GSDME: variants seen among roughly 807,000 people sequenced by gnomAD.
GSDME encodes the protein gasdermin-E.
Under a neutral mutation model 47.5 loss-of-function variants are expected in GSDME, and 44 were observed. The ratio of observed to expected loss-of-function variants is 0.93; its 90% CI spans 0.73 to 1.19. The LOEUF is 1.19. Ranked by LOEUF, GSDME falls within the 50% of genes most tolerant of loss-of-function variation. The pLI, the probability that GSDME is intolerant of heterozygous loss-of-function variation, is 0.00. For synonymous variants in GSDME, 258 were observed against 252.8 expected, an observed-to-expected ratio of 1.02 and a Z score of -0.20; for missense variants, 663 against 604.2, an observed-to-expected ratio of 1.10 and a Z score of -1.02.
In GSDME at chr7:24,733,811, C is replaced by T. The variant is rs1329856191; in HGVS notation, c.404+10751G>A. Among the ~76,000 whole-genome samples the T allele has an allele frequency of 4.6e-5, 7 of 152,204 alleles. No individual in the cohort carries two copies. The highest frequency in any genetic ancestry group is 4.6e-4 in the Admixed American group (7 of 15,282). ...AGGTTTCCAACTCGAGGCCCTGACT[C>T]CTGGACAGCATCTCTGGACCCACCT... On this transcript the variant is annotated intron_variant, in intron 3 of 9. Transcript: ENST00000645220. This position sits in a 1 kb window ranked among gnomAD's most constrained non-coding sequence, Gnocchi z 4.3.
At chr7:24,708,503 T>C (rs961222034) in intron 6 of GSDME, among the ~76,000 whole-genome samples, 1 of 152,216 alleles carries the variant, frequency 6.6e-6, no homozygotes, top group African/African-American at 2.4e-5. Flanking sequence ...AGCTTCACTC[T>C]TCTCTGATGA....
Position 24,733,503 on chromosome 7 carries a change from C to T in GSDME, c.404+11059G>A, listed in dbSNP as rs765182449. 1.3e-5 allele frequency among the ~76,000 whole-genome samples: 2 copies of T among 152,138 alleles called. No individual in the cohort carries two copies. The highest frequency in any genetic ancestry group is 2.9e-5 in the Non-Finnish European group (2 of 68,028). ...AAGTCTCTGATTCCAGGTTGTGGCT[C>T]TTGGATGGCATTTCTGGACCTACCC... On this transcript the variant is annotated intron_variant, in intron 3 of 9. Transcript: ENST00000645220. This position sits in a 1 kb window ranked among gnomAD's most constrained non-coding sequence, Gnocchi z 4.3.
intron 7 of GSDME, among the ~76,000 whole-genome samples, chr7:24,706,632 G>C (rs544336255): frequency 6.6e-6 from 1 of 152,276 alleles, no homozygotes; most frequent in African/African-American, 2.4e-5. Flanking sequence ...TTCCAGGGCA[G>C]GGTCTGTTGG....
At chr7:24,723,285 C>T (rs192129191) in intron 3 of GSDME, among the ~76,000 whole-genome samples, 6 of 152,246 alleles carry the variant, frequency 3.9e-5, no homozygotes, top group Admixed American at 3.9e-4. Flanking sequence ...CCCATCTCCT[C>T]CCTCAGTCAA....
chr7:24,738,273 A>G (rs1406017471), intron 3 of GSDME, among the ~76,000 whole-genome samples: 1 of 152,220 alleles, frequency 6.6e-6, no homozygotes, highest in Non-Finnish European at 1.5e-5. Flanking sequence ...CAAATTCACT[A>G]AAGTTGTAGG....
At chr7:24,727,969 C>T (rs1253775078) in intron 3 of GSDME, among the ~76,000 whole-genome samples, 3 of 152,176 alleles carry the variant, frequency 2.0e-5, no homozygotes, top group Non-Finnish European at 2.9e-5. Flanking sequence ...CACTACGAGT[C>T]GGGGGTGCCA....
chr7:24,704,058 G>A (rs1194919580), intron 8 of GSDME: 1 of 152,146 alleles, frequency 6.6e-6, no homozygotes. Context: ...TGGTACACTA[G>A]GTGCTAGGGG....
At chr7:24,737,838 AAATC>A (rs1368195546) in intron 3 of GSDME, among the ~76,000 whole-genome samples, 1 of 152,222 alleles carries the variant, frequency 6.6e-6, no homozygotes, top group African/African-American at 2.4e-5. Flanking sequence ...CAACATATGC[AAATC>A]AATCAGTGTG....
At chr7:24,713,933 G>T (rs1789449897) in intron 5 of GSDME, among the ~76,000 whole-genome samples, 1 of 152,146 alleles carries the variant, frequency 6.6e-6, no homozygotes, top group African/African-American at 2.4e-5. Context: ...TCCAGCCTAG[G>T]TCACAGAGCA....
At position 24,750,055 on chromosome 7, in the gene GSDME, T is replaced by C. The variant is rs193049959; in HGVS notation, c.-19-262A>G. ...TCTTAGTGGTTTATTACAATAAGGGTTTATTTGTTGCTCATACTACATGCA... is the reference window on the plus strand; with the variant it reads ...TCTTAGTGGTTTATTACAATAAGGGCTTATTTGTTGCTCATACTACATGCA... On this transcript the variant is annotated intron_variant, in intron 1 of 9. Transcript: ENST00000645220. Among the ~76,000 whole-genome samples the C allele has an allele frequency of 3.9e-4, 60 of 152,248 alleles. 1 individual carries two copies. The highest frequency in any genetic ancestry group is 3.2e-3 in the Admixed American group (49 of 15,290).
chr7:24,717,167 G>T, intron 5 of GSDME, 87 bp downstream of exon 5: 1 of 1,155,930 alleles, frequency 8.7e-7, no homozygotes. Flanking sequence ...CTCCAAAGCA[G>T]TCGAGTCCTC....
rs150598245 is a variant in GSDME at position 24,744,923 on chromosome 7, C to CAT, written c.212-170_212-169insAT. The stretch of plus-strand genomic sequence containing the variant: ...GTGTGGGCAAGAAAACAGGGCAGCA[C>CAT]GTGTGTGTGTGTGTGTGTGTGTGTG... On this transcript the variant is annotated intron_variant, in intron 2 of 9. Transcript: ENST00000645220. This position sits in a 1 kb window ranked among gnomAD's most constrained non-coding sequence, Gnocchi z 4.5. Among the ~76,000 whole-genome samples, 1 of 140,110 alleles carries CAT rather than the reference C, an allele frequency of 7.1e-6. No individual in the cohort carries two copies. The highest frequency in any genetic ancestry group is 2.1e-4 in the East Asian group (1 of 4,750). 91.9% of individuals were successfully genotyped at this position (140,110 alleles called of 152,430 possible).
At position 24,744,984 on chromosome 7, in the gene GSDME, C is replaced by CGTGTGTGTGTGTGTGT. The variant is rs3038357; in HGVS notation, c.212-246_212-231dup. Among the ~76,000 whole-genome samples, 5 of 118,998 alleles carry CGTGTGTGTGTGTGTGT rather than the reference C, an allele frequency of 4.2e-5. No individual in the cohort carries two copies. Among genetic ancestry groups the CGTGTGTGTGTGTGTGT allele is most frequent in the East Asian group, 2.5e-4 (1 of 4,054 alleles). 78.1% of individuals were successfully genotyped at this position (118,998 alleles called of 152,430 possible). ...GGGCACACAGTGGACCAGTGCAGCA[C>CGTGTGTGTGTGTGTGT]GTGTGTGTGTGTGTGTGTGTGTGTG... On this transcript the variant is annotated intron_variant, in intron 2 of 9. Transcript: ENST00000645220. The surrounding 1 kb of genome is among the most constrained non-coding windows in gnomAD (Gnocchi z 4.5).
At position 24,721,574 on chromosome 7, in the gene GSDME, T is replaced by C. The variant is rs1167691032; in HGVS notation, c.405-2356A>G. 1.3e-5 allele frequency among the ~76,000 whole-genome samples: 2 copies of C among 152,202 alleles called. No individual in the cohort carries two copies. The highest frequency in any genetic ancestry group is 2.4e-5 in the African/African-American group (1 of 41,444). ...GGGTTCCGTCAGGGTTTAGATGACA[T>C]GCATGCAGTGAGCCATTAGGGTGTG... On this transcript the variant is annotated intron_variant, in intron 3 of 9. Coordinates refer to ENST00000645220, the MANE Select transcript of GSDME (RefSeq NM_001127453.2). The surrounding 1 kb of genome is among the most constrained non-coding windows in gnomAD (Gnocchi z 4.1).
intron 1 of GSDME, among the ~76,000 whole-genome samples, chr7:24,751,455 A>G (rs1052742920): frequency 6.6e-6 from 1 of 152,160 alleles, no homozygotes; most frequent in Non-Finnish European, 1.5e-5. Flanking sequence ...AGCTCAATCC[A>G]CCTTAACATG....
the GSDME span, among the ~76,000 whole-genome samples, chr7:24,767,544 T>G: frequency 6.6e-6 from 1 of 152,056 alleles, no homozygotes; most frequent in Non-Finnish European, 1.5e-5. The surrounding 1 kb of genome is among the most constrained non-coding windows in gnomAD (Gnocchi z 5.3). Flanking sequence ...TAGAAGTCTG[T>G]TTTTCTAAAA....
At chr7:24,720,777 C>G (rs1425388397) in intron 3 of GSDME, among the ~76,000 whole-genome samples, 2 of 152,082 alleles carry the variant, frequency 1.3e-5, no homozygotes, top group East Asian at 3.9e-4. Context: ...TAGCCAGGCA[C>G]ATGCCTGTAA....
At chr7:24,785,968 AAAAGAAT>A in the GSDME span, among the ~76,000 whole-genome samples, 1 of 152,242 alleles carries the variant, frequency 6.6e-6, no homozygotes, top group Non-Finnish European at 1.5e-5. Context: ...GATTAAAAAG[AAAAGAAT>A]AATTGAGGGC....
At chr7:24,747,543 C>G (rs901406334) in intron 2 of GSDME, among the ~76,000 whole-genome samples, 2 of 152,156 alleles carry the variant, frequency 1.3e-5, no homozygotes, top group African/African-American at 4.8e-5. Flanking sequence ...TGAGTAAGTA[C>G]CAAGTGTTCA....
Sources: gnomAD v4.1 joint callset for allele counts (sites outside exome capture counted in the v4.1 genomes callset) on GRCh38, gnomAD v4.1.1 for gene constraint, Gnocchi (gnomAD v3.1) non-coding constraint, MANE v1.5 for transcripts, NCBI Gene and HGNC (gene_info 2026-07-23, HGNC 2026-07-21) for gene names.